Variants in MYO1D observed in about 807,000 individuals in gnomAD.
The protein encoded by MYO1D is myosin ID, also known as unconventional myosin-Id.
In MYO1D, 83 loss-of-function variants were observed where a neutral mutation model predicts 122.0. The ratio of observed to expected loss-of-function variants is 0.68; its 90% CI spans 0.57 to 0.82. MYO1D has a LOEUF of 0.82. MYO1D is among the 40% of genes least tolerant of loss of function. The pLI is 0.00. For synonymous variants in MYO1D, 464 were observed against 446.9 expected, an observed-to-expected ratio of 1.04 and a Z score of -0.48; for missense variants, 1,157 against 1,269.5, an observed-to-expected ratio of 0.91 and a Z score of 1.35.
At chr17:32,548,869 G>A (rs545707398) in intron 21 of MYO1D, among the ~76,000 whole-genome samples, 19 of 151,544 alleles carry the variant, frequency 1.3e-4, no homozygotes, top group East Asian at 1.2e-3. Flanking sequence ...GTGCACCACC[G>A]CGCCTAGCTA....
intron 21 of MYO1D, among the ~76,000 whole-genome samples, chr17:32,584,102 C>T (rs1313631932): frequency 6.6e-6 from 1 of 152,186 alleles, no homozygotes; most frequent in East Asian, 1.9e-4. Flanking sequence ...CCATGTCCAG[C>T]TGTGTCCTAC....
intron 11 of MYO1D, among the ~76,000 whole-genome samples, chr17:32,754,349 T>C (rs1259805300): frequency 2.0e-5 from 3 of 152,180 alleles, no homozygotes; most frequent in Non-Finnish European, 2.9e-5. Context: ...GTGGTGTAAA[T>C]AGGGAATGAC....
At chr17:32,553,995 C>T (rs1158629617) in intron 21 of MYO1D, among the ~76,000 whole-genome samples, 1 of 152,160 alleles carries the variant, frequency 6.6e-6, no homozygotes, top group African/African-American at 2.4e-5. Context: ...TATGGCTCTG[C>T]CTCTGCCTCC....
At chr17:32,635,801 G>C (rs147333651) in intron 20 of MYO1D, among the ~76,000 whole-genome samples, 13 of 152,264 alleles carry the variant, frequency 8.5e-5, no homozygotes, top group African/African-American at 2.9e-4. Context: ...TCTATAGAAG[G>C]AGAAATGAAA....
chr17:32,508,688 G>A (rs959607174), intron 21 of MYO1D, among the ~76,000 whole-genome samples: 4 of 152,190 alleles, frequency 2.6e-5, no homozygotes, highest in East Asian at 1.9e-4. Flanking sequence ...ACTACAGCAC[G>A]AGGTGAATTT....
chr17:32,586,928 C>G (rs2087391351), intron 21 of MYO1D, among the ~76,000 whole-genome samples: 1 of 152,140 alleles, frequency 6.6e-6, no homozygotes, highest in African/African-American at 2.4e-5. Context: ...TCCTCTTTTC[C>G]TAGCTGGGCT....
intron 15 of MYO1D, among the ~76,000 whole-genome samples, chr17:32,716,074 T>C (rs1048047202): frequency 2.0e-5 from 3 of 152,180 alleles, no homozygotes; most frequent in Non-Finnish European, 4.4e-5. Flanking sequence ...AAATCATTTT[T>C]GTCTTTGGCT....
intron 1 of MYO1D, among the ~76,000 whole-genome samples, chr17:32,819,123 C>G (rs571094499): frequency 5.3e-5 from 8 of 152,028 alleles, no homozygotes; most frequent in Non-Finnish European, 1.0e-4. Context: ...ATAATCACAC[C>G]ACAGGAAAAC....
At position 32,493,622 on chromosome 17, in the gene MYO1D, G is replaced by T. The variant is rs1413715021; in HGVS notation, c.*1137C>A. 6.6e-6 allele frequency: 1 copy of T among 152,402 alleles called. No individual in the cohort carries two copies. Among genetic ancestry groups the T allele is most frequent in the East Asian group, 1.9e-4 (1 of 5,192 alleles). The allele number at this position is 152,402 out of a possible 1,614,324, so 9.4% of individuals were successfully genotyped here. ...CAGCAGCTGGGGCTCAGTGGGGAAG[G>T]TGGTCTCAGAAGGCCCCTGAAGCAT... On this transcript the variant is annotated 3_prime_UTR_variant, in exon 22 of 22. Transcript: ENST00000318217.
intron 16 of MYO1D, among the ~76,000 whole-genome samples, chr17:32,685,521 C>T (rs1208603587): frequency 1.3e-5 from 2 of 152,192 alleles, no homozygotes; most frequent in African/African-American, 4.8e-5. Flanking sequence ...CACTGTTTAA[C>T]TATATAATGG....
At chr17:32,659,091 C>T (rs775959137) in intron 17 of MYO1D, 24 bp downstream of exon 17, 2 of 1,594,266 alleles carry the variant, frequency 1.3e-6, no homozygotes, top group South Asian at 1.1e-5. Context: ...TAAATGGATG[C>T]AGCACACAGC....
At chr17:32,553,987 T>G (rs1845308) in intron 21 of MYO1D, among the ~76,000 whole-genome samples, 143,008 of 152,162 alleles carry the variant, frequency 0.94, 67,382 homozygotes, top group East Asian at 1. Flanking sequence ...CTCCTTTCTA[T>G]GGCTCTGCCT....
At chr17:32,625,501 G>A (rs919134419) in intron 20 of MYO1D, among the ~76,000 whole-genome samples, 1 of 152,084 alleles carries the variant, frequency 6.6e-6, no homozygotes, top group African/African-American at 2.4e-5. Flanking sequence ...AGAAACACCT[G>A]GCATGACACA....
intron 1 of MYO1D, among the ~76,000 whole-genome samples, chr17:32,796,551 T>A (rs1265424642): frequency 6.6e-6 from 1 of 152,166 alleles, no homozygotes; most frequent in South Asian, 2.1e-4. Context: ...TAGCTGGGAC[T>A]ACAGGCGCGG....
At chr17:32,515,938 G>A (rs1157649532) in intron 21 of MYO1D, among the ~76,000 whole-genome samples, 1 of 152,186 alleles carries the variant, frequency 6.6e-6, no homozygotes, top group Non-Finnish European at 1.5e-5. Context: ...CGGTAAAAGA[G>A]CCTCCACTGC....
At chr17:32,667,610 A>G (rs1410602968) in intron 16 of MYO1D, among the ~76,000 whole-genome samples, 1 of 152,228 alleles carries the variant, frequency 6.6e-6, no homozygotes, top group African/African-American at 2.4e-5. Flanking sequence ...TGTGAGTCTG[A>G]TCATTACAAG....
chr17:32,731,444 A>G lies in MYO1D; in HGVS notation c.1746+6809T>C, dbSNP rs114559695. On this transcript the variant is annotated intron_variant, in intron 14 of 21. Transcript: ENST00000318217. ...CTTGATGTATATTAAGCATTCTCAT[A>G]TTCTCTTTCTGATCATTTCTGTATC... is the stretch of plus-strand genomic sequence containing the variant. 4.9e-3 allele frequency among the ~76,000 whole-genome samples: 743 copies of G among 152,108 alleles called. 10 individuals carry two copies. Among genetic ancestry groups the G allele is most frequent in the African/African-American group, 0.014 (591 of 41,488 alleles).
intron 16 of MYO1D, among the ~76,000 whole-genome samples, chr17:32,707,255 C>T (rs1354924817): frequency 1.3e-5 from 2 of 151,922 alleles, no homozygotes; most frequent in South Asian, 2.1e-4. Flanking sequence ...GAGAGGCAAT[C>T]CAAAAAGCCA....
chr17:32,669,296 A>G (rs942331931), intron 16 of MYO1D, among the ~76,000 whole-genome samples: 2 of 152,212 alleles, frequency 1.3e-5, no homozygotes, highest in African/African-American at 4.8e-5. Context: ...CCAGAGAGGA[A>G]GAGTCCACAT....
Sources: gnomAD v4.1 joint callset for allele counts (sites outside exome capture counted in the v4.1 genomes callset) on GRCh38, gnomAD v4.1.1 for gene constraint, MANE v1.5 for transcripts, NCBI Gene and HGNC (gene_info 2026-07-23, HGNC 2026-07-21) for gene names.